WDR19: variants seen among roughly 807,000 people sequenced by gnomAD.
WDR19 encodes WD repeat-containing protein 19.
Under a neutral mutation model 180.0 loss-of-function variants are expected in WDR19, and 121 were observed. That is an observed-to-expected ratio of 0.67 (90% CI 0.58 to 0.78). WDR19 has a LOEUF of 0.78. Ranked by LOEUF, WDR19 falls within the 30% of genes least tolerant of loss-of-function variation. The pLI is 0.00. For missense variants in WDR19, 1,450 were observed against 1,640.7 expected, an observed-to-expected ratio of 0.88 and a Z score of 2.01; for synonymous variants, 497 against 540.7, an observed-to-expected ratio of 0.92 and a Z score of 1.12.
intron 33 of WDR19, chr4:39,275,294 C>T (rs1048968540): frequency 9.5e-6 from 3 of 314,296 alleles, no homozygotes; most frequent in South Asian, 5.9e-5. Context: ...GAGCCGAGAT[C>T]GTGCCATTGC....
intron 30 of WDR19, 104 bp downstream of exon 30, chr4:39,268,195 G>A (rs1156400430): frequency 3.0e-6 from 3 of 988,706 alleles, no homozygotes; most frequent in Non-Finnish European, 4.3e-6. Flanking sequence ...TGTAACATAG[G>A]CTTGCTTTGA....
chr4:39,199,406 A>G, intron 5 of WDR19, 72 bp from the exon 6 acceptor site: 2 of 1,119,278 alleles, frequency 1.8e-6, no homozygotes, highest in African/African-American at 1.6e-5. Context: ...TTCTTGCTAT[A>G]TTCAGATTGG....
Position 39,210,788 on chromosome 4 carries a change from C to T in WDR19, c.891-3813C>T, listed in dbSNP as rs139115232. Among the ~76,000 whole-genome samples, 217 of 152,296 alleles carry T rather than the reference C, an allele frequency of 1.4e-3. 1 individual carries two copies. In the Middle Eastern group the frequency reaches 0.031, roughly 21 times the overall value. On this transcript the variant is annotated intron_variant, in intron 9 of 36. Transcript: ENST00000399820. ...CATTGCACAAAGTCCAGCACACCTT[C>T]ATGATAAAAACTCTCAGCAAGTTAG...
In WDR19 at chr4:39,224,892, C is replaced by T. The variant is rs868438531; in HGVS notation, c.1488C>T (p.Val496=). 8.1e-6 allele frequency: 12 copies of T among 1,482,748 alleles called. No homozygotes were observed. The highest frequency in any genetic ancestry group is 2.1e-4 in the Middle Eastern group (1 of 4,828). The allele number at this position is 1,482,748 out of a possible 1,614,324, so 91.8% of individuals were successfully genotyped here. A position where few individuals can be genotyped will look rare whatever the true frequency, so the allele number is the denominator to read the frequency against. The change falls in exon 15 of 37, where the codon GTC becomes GTT. Residue 496 remains valine (V), a synonymous_variant. Transcript: ENST00000399820. ...TTTTTTTTTTTTTTTAGACTGGTGT[C>T]GTTCAGTATTTCTACATTGAAGACT... ...DFLIYGTDTG[V]VQYFYIEDWQ... is the part of the protein sequence containing the mutation.
intron 14 of WDR19, among the ~76,000 whole-genome samples, chr4:39,223,593 C>T (rs567240326): frequency 1.3e-5 from 2 of 152,298 alleles, no homozygotes; most frequent in East Asian, 1.9e-4. Context: ...CCACCCACTT[C>T]GGCCTCCCAA....
In WDR19 at chr4:39,278,159, C is replaced by T. The variant is rs1301360733; in HGVS notation, c.3869C>T (p.Thr1290Met). ...TGRHMLKDDW[T>M]VCPHCDFPAL... The stretch of plus-strand genomic sequence containing the variant: ...CGACACATGTTGAAAGATGACTGGA[C>T]GGTGTGTCCACATTGTGACTTCCCT... The change falls in exon 35 of 37, where the codon ACG (threonine) becomes ATG (methionine). Residue 1290 changes from threonine (T) to methionine (M), a missense_variant. Transcript: ENST00000399820. 11 of 1,606,862 alleles carry T rather than the reference C, an allele frequency of 6.8e-6. No homozygotes were observed. The highest frequency in any genetic ancestry group is 7.6e-6 in the Non-Finnish European group (9 of 1,176,664).
At position 39,227,160 on chromosome 4, in the gene WDR19, T is replaced by C. The variant is rs1286669530; in HGVS notation, c.1630-1050T>C. Among the ~76,000 whole-genome samples the C allele has an allele frequency of 2.0e-5, 3 of 152,354 alleles. No homozygotes were observed. In the South Asian group the frequency reaches 6.2e-4, roughly 32 times the overall value. On this transcript the variant is annotated intron_variant, in intron 15 of 36. Transcript: ENST00000399820. ...TTGGCACATTTCAGTGCTTAATAGG[T>C]ACATCTGGCTACATGTAGATGTTAT...
chr4:39,223,523 G>T (rs563655658), intron 14 of WDR19, among the ~76,000 whole-genome samples: 1 of 151,914 alleles, frequency 6.6e-6, no homozygotes, highest in Admixed American at 6.5e-5. Flanking sequence ...TAGAGACGGG[G>T]TTTCACCATG....
intron 31 of WDR19, among the ~76,000 whole-genome samples, chr4:39,270,712 G>A (rs1359885040): frequency 1.3e-5 from 2 of 152,006 alleles, no homozygotes; most frequent in African/African-American, 2.4e-5. Flanking sequence ...ACATGTAAAT[G>A]TATTGCCTGT....
intron 21 of WDR19, among the ~76,000 whole-genome samples, chr4:39,242,342 A>G (rs951398799): frequency 6.6e-6 from 1 of 151,976 alleles, no homozygotes; most frequent in Non-Finnish European, 1.5e-5. Flanking sequence ...CTGAAGCTTC[A>G]AACTCCTGAC....
chr4:39,276,948 T>TCTTTC, intron 33 of WDR19, 72 bp from the exon 34 acceptor site: 1 of 1,589,904 alleles, frequency 6.3e-7, no homozygotes, highest in Non-Finnish European at 8.6e-7. Context: ...GTTTTCCAAA[T>TCTTTC]ATGCTTTCTC....
intron 4 of WDR19, among the ~76,000 whole-genome samples, chr4:39,193,866 A>C (rs1305935233): frequency 6.6e-6 from 1 of 152,192 alleles, no homozygotes; most frequent in Non-Finnish European, 1.5e-5. Flanking sequence ...GGCATTTCTC[A>C]CAAGTTCCCA....
intron 7 of WDR19, 66 bp from the exon 8 acceptor site, chr4:39,205,088 T>A: frequency 8.6e-7 from 1 of 1,160,608 alleles, no homozygotes. Context: ...CTGTTGGATT[T>A]GCTTAATGGT....
In WDR19 at chr4:39,198,415, G is replaced by A. The variant is rs536707802; in HGVS notation, c.407-1063G>A. Among the ~76,000 whole-genome samples the A allele has an allele frequency of 9.2e-4, 140 of 151,962 alleles. 1 individual carries two copies. Among genetic ancestry groups the A allele is most frequent in the Middle Eastern group, 6.8e-3 (2 of 294 alleles). On this transcript the variant is annotated intron_variant, in intron 5 of 36. Transcript: ENST00000399820. ...CTACTAAAAATACAAAAAAAAATTA[G>A]CCAGGCATGGTGGCGGACGCCTGTA...
chr4:39,214,316 C>G (rs746126518), intron 9 of WDR19, among the ~76,000 whole-genome samples: 1 of 152,122 alleles, frequency 6.6e-6, no homozygotes, highest in African/African-American at 2.4e-5. Flanking sequence ...ATTTTAACCT[C>G]CTTATTCCTG....
rs139043419 is a variant in WDR19 at position 39,253,652 on chromosome 4, G to C, written c.2877-254G>C. 1.2e-3 allele frequency among the ~76,000 whole-genome samples: 185 copies of C among 152,048 alleles called. 1 individual carries two copies. The highest frequency in any genetic ancestry group is 4.3e-3 in the African/African-American group (178 of 41,486). On this transcript the variant is annotated intron_variant, in intron 25 of 36. Transcript: ENST00000399820. ...AGATTAGCTGGGTGTGGTGGTGCAT[G>C]CCTGTAGTTCCAGCTACTTGGGAGG...
At chr4:39,251,993 C>T (rs1305276361) in intron 24 of WDR19, among the ~76,000 whole-genome samples, 1 of 152,098 alleles carries the variant, frequency 6.6e-6, no homozygotes, top group East Asian at 1.9e-4. Context: ...TTTGACCCAG[C>T]CATCCCATTA....
intron 24 of WDR19, 140 bp downstream of exon 24, chr4:39,245,592 G>GT: frequency 1.3e-6 from 1 of 782,304 alleles, no homozygotes; most frequent in African/African-American, 1.7e-5. Flanking sequence ...TTGGCCTGAA[G>GT]TGCCAGACTA....
At chr4:39,194,488 A>G (rs759377735) in intron 4 of WDR19, 56 bp from the exon 5 acceptor site, 1 of 1,114,810 alleles carries the variant, frequency 9.0e-7, no homozygotes, top group Non-Finnish European at 1.3e-6. Flanking sequence ...TTTTTAAAGG[A>G]CTGTTTAGAG....
Sources: allele counts gnomAD v4.1 joint callset (sites outside exome capture counted in the v4.1 genomes callset), GRCh38; gene constraint gnomAD v4.1.1; transcripts MANE v1.5; gene names NCBI Gene and HGNC (gene_info 2026-07-23, HGNC 2026-07-21).